GSN: variants seen among roughly 807,000 people sequenced by gnomAD.
GSN encodes actin-depolymerizing factor.
A neutral mutation model predicts 85.7 loss-of-function variants in GSN; 56 were observed. The ratio of observed to expected loss-of-function variants is 0.65; its 90% CI spans 0.53 to 0.82. The LOEUF (loss-of-function observed/expected upper bound fraction) is 0.82. Ranked by LOEUF, GSN falls within the 40% of genes least tolerant of loss-of-function variation. The pLI is 0.00. For missense variants in GSN, 857 were observed against 979.8 expected (o/e 0.87, Z 1.67); for synonymous variants, 373 against 399.1 (o/e 0.93, Z 0.78).
intron 4 of GSN, chr9:121,223,070 C>CCAGT (rs2054200799): frequency 6.6e-6 from 1 of 152,002 alleles, no homozygotes; most frequent in African/African-American, 2.4e-5. Context: ...TTTTCCCTTA[C>CCAGT]CAGTCCGGCG....
At chr9:121,234,476 A>G (rs2054454642) in intron 5 of GSN, among the ~76,000 whole-genome samples, 1 of 152,214 alleles carries the variant, frequency 6.6e-6, no homozygotes, top group African/African-American at 2.4e-5. Flanking sequence ...CTACTGTGCT[A>G]TAGGAGCCAG....
chr9:121,277,949 A>G (rs1054564756), intron 1 of GSN, among the ~76,000 whole-genome samples: 1 of 152,220 alleles, frequency 6.6e-6, no homozygotes, highest in Non-Finnish European at 1.5e-5. Flanking sequence ...TATGCAACAG[A>G]GAGGGTGTGT....
At chr9:121,240,781 G>A (rs535051015) in intron 5 of GSN, among the ~76,000 whole-genome samples, 100 of 152,318 alleles carry the variant, frequency 6.6e-4, no homozygotes, top group African/African-American at 2.2e-3. Context: ...AACCGCAGGA[G>A]TTTGCTACAC....
chr9:121,270,110 G>T (rs552066861), intron 1 of GSN, among the ~76,000 whole-genome samples: 1 of 152,290 alleles, frequency 6.6e-6, no homozygotes, highest in African/African-American at 2.4e-5. Context: ...AGGAGTTGGG[G>T]GAAAAGACAT....
rs896550103 is a variant in GSN at position 121,214,522 on chromosome 9, T to C, written c.-528+3655T>C. ...GCCTGGTTCATGGTAGTGTACAAAA[T>C]ATATTAATAATAAATACTAGTTTAT... On this transcript the variant is annotated intron_variant, in intron 4 of 24. Coordinates refer to the GSN transcript ENST00000373823. Among the ~76,000 whole-genome samples, 20 of 152,300 alleles carry C rather than the reference T, an allele frequency of 1.3e-4. 1 individual carries two copies. Among genetic ancestry groups the C allele is most frequent in the Admixed American group, 1.3e-4 (2 of 15,296 alleles).
intron 5 of GSN, among the ~76,000 whole-genome samples, chr9:121,234,122 G>T (rs1003505488): frequency 1.3e-5 from 2 of 151,696 alleles, no homozygotes; most frequent in African/African-American, 2.4e-5. Context: ...CACAAAGGGT[G>T]CTTTCTCCTG....
At chr9:121,298,195 G>T (rs991357253) in intron 2 of GSN, among the ~76,000 whole-genome samples, 1 of 151,990 alleles carries the variant, frequency 6.6e-6, no homozygotes, top group Non-Finnish European at 1.5e-5. Context: ...CTCTGCTCTT[G>T]CTCCCTGTGT....
chr9:121,331,477 G>A, intron 17 of GSN, 29 bp downstream of exon 17: 6 of 1,328,666 alleles, frequency 4.5e-6, no homozygotes, highest in Non-Finnish European at 6.4e-6. Flanking sequence ...GGGGGCGGGG[G>A]GAGGGGTCCG....
At chr9:121,302,193 G>T in intron 3 of GSN, 26 bp downstream of exon 3, 1 of 1,611,768 alleles carries the variant, frequency 6.2e-7, no homozygotes, top group Non-Finnish European at 8.5e-7. Flanking sequence ...CCCAGCCCCT[G>T]CCCCAGCCCC....
chr9:121,263,257 G>T (rs180938179), upstream of GSN, among the ~76,000 whole-genome samples: 2 of 152,174 alleles, frequency 1.3e-5, no homozygotes, highest in African/African-American at 4.8e-5. Context: ...GGAGTTGCGA[G>T]TAGAAATGCA....
At chr9:121,236,842 AG>A (rs1276138449) in intron 5 of GSN, among the ~76,000 whole-genome samples, 1 of 152,248 alleles carries the variant, frequency 6.6e-6, no homozygotes, top group Non-Finnish European at 1.5e-5. Context: ...GAACCAAATC[AG>A]GGATTTTCCA....
At chr9:121,221,606 C>T (rs1033803396) in intron 4 of GSN, among the ~76,000 whole-genome samples, 2 of 152,206 alleles carry the variant, frequency 1.3e-5, no homozygotes, top group African/African-American at 4.8e-5. Context: ...CATCAGGGTT[C>T]GAGTGCTAGA....
upstream of GSN, among the ~76,000 whole-genome samples, chr9:121,205,960 A>G (rs2053874562): frequency 6.6e-6 from 1 of 151,836 alleles, no homozygotes; most frequent in African/African-American, 2.4e-5. Flanking sequence ...ATTTTGGTTC[A>G]TAGGCTTATC....
intron 11 of GSN, among the ~76,000 whole-genome samples, chr9:121,322,062 G>C (rs1207361930): frequency 6.6e-6 from 1 of 152,108 alleles, no homozygotes; most frequent in Non-Finnish European, 1.5e-5. Context: ...TTTTAAAACA[G>C]AGAATACATT....
At chr9:121,263,829 C>T (rs150756280), upstream of GSN, among the ~76,000 whole-genome samples, 26 of 140,488 alleles carry the variant, frequency 1.9e-4, no homozygotes, top group African/African-American at 5.5e-4. Flanking sequence ...GTGGAGGTTG[C>T]GGTGAACCGA....
chr9:121,280,991 T>C (rs1416550710), intron 1 of GSN: 1 of 154,460 alleles, frequency 6.5e-6, no homozygotes, highest in African/African-American at 2.4e-5. Context: ...ATTGTCTAAT[T>C]CTGGGTCTTG....
chr9:121,245,567 C>T (rs532148267), intron 5 of GSN, among the ~76,000 whole-genome samples: 60 of 152,264 alleles, frequency 3.9e-4, no homozygotes, highest in African/African-American at 1.4e-3. Context: ...CACTTTGTTG[C>T]CCAGGCTGGT....
chr9:121,224,507 T>C (rs2054235726), intron 4 of GSN, among the ~76,000 whole-genome samples: 2 of 152,190 alleles, frequency 1.3e-5, no homozygotes, highest in South Asian at 4.1e-4. Context: ...AGCTATAAAC[T>C]CAAAGTAAGG....
intron 2 of GSN, among the ~76,000 whole-genome samples, chr9:121,209,755 TC>T (rs1422115527): frequency 6.6e-6 from 1 of 152,218 alleles, no homozygotes; most frequent in Non-Finnish European, 1.5e-5. Context: ...TAGAATTATT[TC>T]CAAGAGCCAA....
Sources: gnomAD v4.1 joint callset for allele counts (sites outside exome capture counted in the v4.1 genomes callset) on GRCh38, gnomAD v4.1.1 for gene constraint, MANE v1.5 for transcripts, NCBI Gene and HGNC (gene_info 2026-07-23, HGNC 2026-07-21) for gene names.